The following HS3ST4 variants were observed in gnomAD, a reference collection of about 807,000 sequenced individuals.
The protein encoded by HS3ST4 is heparan sulfate-glucosamine 3-sulfotransferase 4, also known as heparan sulfate glucosamine 3-O-sulfotransferase 4.
HS3ST4 carries 17 observed loss-of-function variants against 29.2 expected under a neutral mutation model. The observed-to-expected ratio is 0.58, with a 90% CI of 0.40 to 0.87. The LOEUF (loss-of-function observed/expected upper bound fraction) is 0.87, where lower values mean the gene tolerates loss of function less well. HS3ST4 is among the 40% of genes least tolerant of loss of function. HS3ST4 has a pLI of 0.00. For synonymous variants in HS3ST4, 314 were observed against 285.7 expected, an observed-to-expected ratio of 1.10 and a Z score of -1.00; for missense variants, 627 against 634.5, an observed-to-expected ratio of 0.99 and a Z score of 0.13.
chr16:26,094,325 G>T (rs1489861688), intron 1 of HS3ST4, among the ~76,000 whole-genome samples: 1 of 152,128 alleles, frequency 6.6e-6, no homozygotes, highest in African/African-American at 2.4e-5. Flanking sequence ...GATTCACCAA[G>T]GTTGAAATGA....
At chr16:26,078,928 G>A (rs1185489973) in intron 1 of HS3ST4, among the ~76,000 whole-genome samples, 1 of 152,178 alleles carries the variant, frequency 6.6e-6, no homozygotes, top group East Asian at 1.9e-4. Flanking sequence ...ACAGGAAAAC[G>A]ACAGTGTTTG....
At chr16:25,888,057 A>G (rs1402851629) in intron 1 of HS3ST4, among the ~76,000 whole-genome samples, 1 of 152,066 alleles carries the variant, frequency 6.6e-6, no homozygotes, top group Admixed American at 6.5e-5. Context: ...ATCTTCCATA[A>G]TATGCCTGTA....
intron 1 of HS3ST4, among the ~76,000 whole-genome samples, chr16:25,764,139 T>C (rs1966804330): frequency 6.6e-6 from 1 of 152,022 alleles, no homozygotes; most frequent in Non-Finnish European, 1.5e-5. Context: ...GAGGAGCAGG[T>C]GTGTGCGGGA....
At chr16:25,699,834 A>G (rs556741823) in intron 1 of HS3ST4, among the ~76,000 whole-genome samples, 96 of 152,204 alleles carry the variant, frequency 6.3e-4, no homozygotes, top group Non-Finnish European at 1.1e-3. Flanking sequence ...AATGAGCTCA[A>G]TATTACCCGC....
intron 1 of HS3ST4, among the ~76,000 whole-genome samples, chr16:25,904,849 A>G (rs1968164401): frequency 6.6e-6 from 1 of 152,214 alleles, no homozygotes; most frequent in South Asian, 2.1e-4. Context: ...TATATGAGTT[A>G]ATAAATGTGA....
chr16:25,788,637 C>G (rs8051865), intron 1 of HS3ST4, among the ~76,000 whole-genome samples: 3,458 of 142,652 alleles, frequency 0.024, 143 homozygotes, highest in African/African-American at 0.084. Flanking sequence ...AACTCCTGGG[C>G]TCAAGCTATC....
chr16:26,132,625 A>C (rs536381547), intron 1 of HS3ST4, among the ~76,000 whole-genome samples: 4 of 152,294 alleles, frequency 2.6e-5, no homozygotes, highest in Admixed American at 1.3e-4. Context: ...ATCTTGACAG[A>C]TCGTCAATCA....
intron 1 of HS3ST4, among the ~76,000 whole-genome samples, chr16:26,003,983 C>T (rs1567291598): frequency 6.6e-6 from 1 of 152,148 alleles, no homozygotes. Flanking sequence ...CCCAATTTCT[C>T]CCATCCTGCC....
intron 1 of HS3ST4, among the ~76,000 whole-genome samples, chr16:26,040,318 C>T (rs566591406): frequency 2.0e-4 from 27 of 136,176 alleles, no homozygotes; most frequent in Admixed American, 9.3e-4. Context: ...TTTTTTGAGA[C>T]GGAGTTTCAC....
At chr16:25,956,521 ACTC>A (rs1968734041) in intron 1 of HS3ST4, among the ~76,000 whole-genome samples, 4 of 152,048 alleles carry the variant, frequency 2.6e-5, no homozygotes, top group Admixed American at 2.6e-4. Context: ...AAGTCAAACT[ACTC>A]CTATTTCCAG....
At chr16:25,950,591 C>A (rs1419516624) in intron 1 of HS3ST4, among the ~76,000 whole-genome samples, 1 of 151,896 alleles carries the variant, frequency 6.6e-6, no homozygotes, top group Non-Finnish European at 1.5e-5. Context: ...TTATTTTCAA[C>A]CAGTTCTGTT....
intron 1 of HS3ST4, among the ~76,000 whole-genome samples, chr16:25,903,393 AT>A (rs1277035627): frequency 1.1e-5 from 1 of 93,902 alleles, no homozygotes; most frequent in East Asian, 3.0e-4. Context: ...AAAATCACAT[AT>A]CACACACACA....
intron 1 of HS3ST4, among the ~76,000 whole-genome samples, chr16:25,802,679 T>A (rs533131396): frequency 5.9e-5 from 9 of 152,110 alleles, no homozygotes; most frequent in Non-Finnish European, 5.9e-5. Context: ...GTTTAAGGAC[T>A]TAAAATCAAT....
intron 1 of HS3ST4, among the ~76,000 whole-genome samples, chr16:25,948,200 G>A (rs995621845): frequency 6.6e-6 from 1 of 152,084 alleles, no homozygotes; most frequent in Admixed American, 6.6e-5. Flanking sequence ...AACAGCTACT[G>A]ACCTGATTCT....
At chr16:25,770,443 C>A (rs954713652) in intron 1 of HS3ST4, among the ~76,000 whole-genome samples, 4 of 152,180 alleles carry the variant, frequency 2.6e-5, no homozygotes, top group Non-Finnish European at 5.9e-5. Flanking sequence ...GCTTATAGAT[C>A]GAAAGACTAA....
intron 1 of HS3ST4, among the ~76,000 whole-genome samples, chr16:25,839,421 GT>G (rs1967391714): frequency 6.6e-6 from 1 of 152,078 alleles, no homozygotes; most frequent in Non-Finnish European, 1.5e-5. Context: ...CTCCATTTTT[GT>G]TTTAGAATAT....
chr16:25,972,278 G>A (rs183060169), intron 1 of HS3ST4, among the ~76,000 whole-genome samples: 78 of 152,344 alleles, frequency 5.1e-4, no homozygotes, highest in African/African-American at 1.8e-3. Flanking sequence ...AGCTACTGCT[G>A]TGTAACAAAT....
intron 1 of HS3ST4, among the ~76,000 whole-genome samples, chr16:26,015,505 G>T (rs898832046): frequency 1.1e-4 from 17 of 152,080 alleles, no homozygotes; most frequent in African/African-American, 4.1e-4. Context: ...ACTTTTATTG[G>T]AGTCAATAAC....
chr16:26,054,329 G>GAGA (rs757258200), intron 1 of HS3ST4, among the ~76,000 whole-genome samples: 136 of 141,190 alleles, frequency 9.6e-4, no homozygotes, highest in Middle Eastern at 3.5e-3. Context: ...AGAAGAAGAA[G>GAGA]AGAAGAAGAA....
Sources: allele counts gnomAD v4.1 joint callset (sites outside exome capture counted in the v4.1 genomes callset), GRCh38; gene constraint gnomAD v4.1.1; transcripts MANE v1.5; gene names NCBI Gene and HGNC (gene_info 2026-07-23, HGNC 2026-07-21).